GORAB: variants seen among roughly 807,000 people sequenced by gnomAD.
GORAB encodes the protein golgin, RAB6 interacting, also known as RAB6-interacting golgin.
Under a neutral mutation model 29.9 loss-of-function variants are expected in GORAB, and 17 were observed. The ratio of observed to expected loss-of-function variants is 0.57; its 90% CI spans 0.39 to 0.85. GORAB has a LOEUF of 0.85. Among genes scored for constraint, GORAB ranks in the 40% least tolerant of loss-of-function variants. The pLI, the probability that GORAB is intolerant of heterozygous loss-of-function variation, is 0.00. For synonymous variants in GORAB, 183 were observed against 157.2 expected (o/e 1.16, Z -1.23); for missense variants, 442 against 437.8 (o/e 1.01, Z -0.09).
In GORAB at chr1:170,545,104, C is replaced by T. The variant is rs185952820; in HGVS notation, c.662+259C>T. On this transcript the variant is annotated intron_variant, in intron 4 of 4. Transcript: ENST00000367763. ...TTTATTTACGTTTTAGTCTTTGCTG[C>T]GAAACCCTCAGCTATTTAATGTTTG... is the stretch of plus-strand genomic sequence containing the variant. 2.3e-5 allele frequency: 26 copies of T among 1,129,034 alleles called. No individual in the cohort carries two copies. In the East Asian group the frequency reaches 6.8e-4, roughly 29 times the overall value. 69.9% of individuals were successfully genotyped at this position (1,129,034 alleles called of 1,614,324 possible).
intron 1 of GORAB, among the ~76,000 whole-genome samples, chr1:170,534,509 A>G (rs990471813): frequency 2.0e-5 from 3 of 152,196 alleles, no homozygotes; most frequent in Admixed American, 2.0e-4. Flanking sequence ...AGCTAGCTGT[A>G]TATATAATAT....
chr1:170,545,583 T>C, intron 4 of GORAB: 1 of 985,390 alleles, frequency 1.0e-6, no homozygotes, highest in Non-Finnish European at 1.2e-6. Context: ...CCTTTCAACA[T>C]TGCTTTAATC....
intron 2 of GORAB, among the ~76,000 whole-genome samples, chr1:170,541,975 A>C (rs980277961): frequency 6.6e-6 from 1 of 152,178 alleles, no homozygotes; most frequent in African/African-American, 2.4e-5. Flanking sequence ...AAAGACAAAA[A>C]AAAGTCTTAA....
At chr1:170,532,593 T>G (rs1018488595) in intron 1 of GORAB, 2 of 383,700 alleles carry the variant, frequency 5.2e-6, no homozygotes, top group Non-Finnish European at 4.9e-6. Flanking sequence ...GTGTCTCCCT[T>G]AGGGAAGATT....
chr1:170,543,319 C>T (rs1426556380), intron 3 of GORAB, among the ~76,000 whole-genome samples: 1 of 152,182 alleles, frequency 6.6e-6, no homozygotes, highest in East Asian at 1.9e-4. Context: ...TCAATATATC[C>T]ATGGTTGTGA....
intron 1 of GORAB, chr1:170,538,951 G>C: frequency 3.9e-6 from 2 of 511,758 alleles, no homozygotes; most frequent in Non-Finnish European, 6.9e-6. Flanking sequence ...GTGACCTAAG[G>C]CCTAACTCAC....
chr1:170,553,239 G>A lies in GORAB; in HGVS notation c.*777G>A, dbSNP rs1425402552. On this transcript the variant is annotated 3_prime_UTR_variant, in exon 5 of 5. Coordinates refer to ENST00000367763, the MANE Select transcript of GORAB (RefSeq NM_152281.3). ...TATAGAAAATCTCATTGCTACTTGT[G>A]ATTATCAAAAAAAGTATGTATTTTC... The A allele has an allele frequency of 2.3e-6, 1 of 442,074 alleles. No homozygotes were observed. The allele number at this position is 442,074 out of a possible 1,614,324, so 27.4% of individuals were successfully genotyped here. A position where few individuals can be genotyped will look rare whatever the true frequency, so the allele number is the denominator to read the frequency against.
chr1:170,535,309 A>G (rs2101816389), intron 1 of GORAB, among the ~76,000 whole-genome samples: 1 of 152,332 alleles, frequency 6.6e-6, no homozygotes, highest in Non-Finnish European at 1.5e-5. Flanking sequence ...TTAATCATAT[A>G]GGTTGGAAGA....
At chr1:170,547,463 G>T (rs1649835940) in intron 4 of GORAB, among the ~76,000 whole-genome samples, 1 of 146,746 alleles carries the variant, frequency 6.8e-6, no homozygotes. Context: ...TGCTACTACT[G>T]CTACTGTTCA....
chr1:170,533,041 A>G (rs1648811905), intron 1 of GORAB, among the ~76,000 whole-genome samples: 1 of 152,198 alleles, frequency 6.6e-6, no homozygotes, highest in Non-Finnish European at 1.5e-5. Context: ...TATTAATTGC[A>G]CTTTGCTTGT....
intron 1 of GORAB, 59 bp downstream of exon 1, chr1:170,532,343 T>TGCAGCTTTGGCGGGGAA: frequency 6.3e-7 from 1 of 1,579,664 alleles, no homozygotes; most frequent in Non-Finnish European, 8.7e-7. Flanking sequence ...GAGGCGGGGA[T>TGCAGCTTTGGCGGGGAA]GCAGCTTTGG....
At chr1:170,541,329 A>G (rs1254751096) in intron 2 of GORAB, among the ~76,000 whole-genome samples, 1 of 152,078 alleles carries the variant, frequency 6.6e-6, no homozygotes, top group Non-Finnish European at 1.5e-5. Flanking sequence ...CTTCCTAGCA[A>G]GTTCACTAAT....
At chr1:170,542,351 G>A (rs1167429368) in intron 2 of GORAB, 140 bp from the exon 3 acceptor site, 2 of 600,208 alleles carry the variant, frequency 3.3e-6, no homozygotes, top group African/African-American at 3.8e-5. Flanking sequence ...TTTCTTTTAA[G>A]AGGACTTTTG....
intron 4 of GORAB, among the ~76,000 whole-genome samples, chr1:170,547,409 GCTGCTACTGCTGCTA>G (rs921581385): frequency 3.9e-3 from 10 of 2,550 alleles, no homozygotes; most frequent in Non-Finnish European, 0.012. Context: ...TGCTGCTGCT[GCTGCTACTGCTGCTA>G]CTGCTGCTAC....
intron 1 of GORAB, among the ~76,000 whole-genome samples, chr1:170,533,865 T>C (rs748642132): frequency 3.9e-5 from 6 of 152,130 alleles, no homozygotes; most frequent in Non-Finnish European, 7.4e-5. Context: ...CTAAACACAG[T>C]GATTGGCATA....
At chr1:170,551,409 C>G (rs1336471797) in intron 4 of GORAB, among the ~76,000 whole-genome samples, 1 of 152,184 alleles carries the variant, frequency 6.6e-6, no homozygotes, top group Non-Finnish European at 1.5e-5. Flanking sequence ...GTGCTCTGTT[C>G]CATTTATATT....
In GORAB at chr1:170,539,207, T is replaced by G; in HGVS notation, c.62-3T>G. 1 of 1,614,080 alleles carries G rather than the reference T, an allele frequency of 6.2e-7. No homozygotes were observed. The highest frequency in any genetic ancestry group is 8.5e-7 in the Non-Finnish European group (1 of 1,179,976). The stretch of plus-strand genomic sequence containing the variant: ...GAATTTTCCTCTATTTTCTTTTACA[T>G]AGATCCATTTGAACCACAGCGACGT... On this transcript the variant is annotated splice_region_variant and splice_polypyrimidine_tract_variant and intron_variant, in intron 1 of 4. Transcript: ENST00000367763.
intron 1 of GORAB, 188 bp from the exon 2 acceptor site, chr1:170,539,022 T>C (rs777540065): frequency 2.6e-5 from 17 of 660,250 alleles, no homozygotes; most frequent in African/African-American, 3.7e-5. Flanking sequence ...ATATTAACAT[T>C]ATGATCTGAA....
chr1:170,542,376 T>C (rs1423062954), intron 2 of GORAB, 115 bp from the exon 3 acceptor site: 18 of 677,942 alleles, frequency 2.7e-5, no homozygotes, highest in Non-Finnish European at 4.7e-5. Flanking sequence ...AACATATACA[T>C]AAATCTTCTT....
Sources: allele counts gnomAD v4.1 joint callset (sites outside exome capture counted in the v4.1 genomes callset), GRCh38; gene constraint gnomAD v4.1.1; transcripts MANE v1.5; gene names NCBI Gene and HGNC (gene_info 2026-07-23, HGNC 2026-07-21).